The following POU2F3 variants were observed in gnomAD, a reference collection of about 807,000 sequenced individuals.
The protein encoded by POU2F3 is POU class 2 homeobox 3, also known as POU domain, class 2, transcription factor 3.
POU2F3 carries 23 observed loss-of-function variants against 59.2 expected under a neutral mutation model. The ratio of observed to expected loss-of-function variants is 0.39; its 90% CI spans 0.28 to 0.55. The LOEUF is 0.55. Among genes scored for constraint, POU2F3 ranks in the 20% least tolerant of loss-of-function variants. The pLI is 0.66. For missense variants in POU2F3, 473 were observed against 544.5 expected, an observed-to-expected ratio of 0.87 and a Z score of 1.31; for synonymous variants, 190 against 214.6, an observed-to-expected ratio of 0.89 and a Z score of 1.00.
At chr11:120,278,285 G>A (rs1940417832) in intron 3 of POU2F3, among the ~76,000 whole-genome samples, 1 of 152,180 alleles carries the variant, frequency 6.6e-6, no homozygotes, top group South Asian at 2.1e-4. Context: ...TACAGCGCAA[G>A]ATGTCTAGAG....
chr11:120,304,913 A>C, intron 6 of POU2F3, 117 bp from the exon 7 acceptor site: 158 of 743,286 alleles, frequency 2.1e-4, no homozygotes, highest in Middle Eastern at 4.1e-4. Flanking sequence ...GTATCCAGGG[A>C]TCTGTCATCC....
At chr11:120,289,729 T>G (rs1371405935) in intron 3 of POU2F3, among the ~76,000 whole-genome samples, 1 of 152,240 alleles carries the variant, frequency 6.6e-6, no homozygotes, top group East Asian at 1.9e-4. Flanking sequence ...TGGCAAACTT[T>G]TCTTCATCCT....
At chr11:120,246,341 A>T in intron 1 of POU2F3, 108 bp from the exon 2 acceptor site, 6 of 1,126,984 alleles carry the variant, frequency 5.3e-6, no homozygotes, top group Non-Finnish European at 8.0e-6. Context: ...TGAAAGTCTG[A>T]TGGTTGTTGT....
intron 3 of POU2F3, among the ~76,000 whole-genome samples, chr11:120,279,491 C>T (rs1395434183): frequency 2.6e-5 from 4 of 152,158 alleles, no homozygotes; most frequent in Non-Finnish European, 5.9e-5. Flanking sequence ...TGGGCTTGCA[C>T]CAGGTTGGAG....
At chr11:120,284,249 T>A (rs138698205) in intron 3 of POU2F3, among the ~76,000 whole-genome samples, 2 of 152,330 alleles carry the variant, frequency 1.3e-5, no homozygotes, top group African/African-American at 4.8e-5. Flanking sequence ...CCTCTCCACC[T>A]GCCTATCACC....
Position 120,240,156 on chromosome 11 carries a change from C to G in POU2F3, c.-188C>G. ...CACCTGGGGAGTGTGGCAATCCTGG[C>G]GGCGCCGAGTGTTGCCCGGGCCGGA... On this transcript the variant is annotated 5_prime_UTR_variant, in exon 1 of 13. Transcript: ENST00000543440. 5 of 1,202,790 alleles carry G rather than the reference C, an allele frequency of 4.2e-6. No individual in the cohort carries two copies. Among genetic ancestry groups the G allele is most frequent in the Non-Finnish European group, 5.2e-6 (5 of 965,818 alleles). The allele number at this position is 1,202,790 out of a possible 1,614,324, so 74.5% of individuals were successfully genotyped here.
intron 2 of POU2F3, among the ~76,000 whole-genome samples, chr11:120,265,096 G>A (rs895266569): frequency 7.2e-5 from 11 of 152,204 alleles, no homozygotes; most frequent in African/African-American, 2.7e-4. Context: ...AGGCTGGGTG[G>A]GGAGAGCTGC....
At chr11:120,298,998 G>C (rs915147354) in intron 4 of POU2F3, among the ~76,000 whole-genome samples, 2 of 152,142 alleles carry the variant, frequency 1.3e-5, no homozygotes, top group Non-Finnish European at 2.9e-5. Flanking sequence ...ACCTCATGGG[G>C]CACAGAGCTC....
At chr11:120,274,871 G>A (rs959893633) in intron 3 of POU2F3, among the ~76,000 whole-genome samples, 1 of 152,186 alleles carries the variant, frequency 6.6e-6, no homozygotes, top group South Asian at 2.1e-4. Flanking sequence ...AGGTCAAAGG[G>A]ACAGGAGGGG....
At chr11:120,280,770 C>T (rs1293680533) in intron 3 of POU2F3, among the ~76,000 whole-genome samples, 1 of 152,162 alleles carries the variant, frequency 6.6e-6, no homozygotes, top group Non-Finnish European at 1.5e-5. Flanking sequence ...TACCAACACC[C>T]GCAGACCTCT....
chr11:120,259,108 T>C (rs1426695033), intron 2 of POU2F3: 1 of 152,310 alleles, frequency 6.6e-6, no homozygotes, highest in Non-Finnish European at 1.5e-5. Flanking sequence ...CCTCCTGGTA[T>C]CTGTGGGACC....
At chr11:120,284,220 G>C (rs1817385778) in intron 3 of POU2F3, among the ~76,000 whole-genome samples, 1 of 152,142 alleles carries the variant, frequency 6.6e-6, no homozygotes, top group African/African-American at 2.4e-5. Flanking sequence ...TAAATGCACG[G>C]TTGGATTATT....
At chr11:120,295,478 G>C (rs1941169397) in intron 3 of POU2F3, among the ~76,000 whole-genome samples, 1 of 152,276 alleles carries the variant, frequency 6.6e-6, no homozygotes, top group African/African-American at 2.4e-5. Flanking sequence ...GGGGCAGGAG[G>C]AGGTTATGCA....
chr11:120,239,107 G>A (rs1348144781), upstream of POU2F3, among the ~76,000 whole-genome samples: 1 of 152,110 alleles, frequency 6.6e-6, no homozygotes, highest in South Asian at 2.1e-4. Flanking sequence ...AAGGTGTAGA[G>A]GCAGGAAAGC....
At chr11:120,272,172 C>G (rs538031618) in intron 3 of POU2F3, among the ~76,000 whole-genome samples, 1 of 152,160 alleles carries the variant, frequency 6.6e-6, no homozygotes, top group South Asian at 2.1e-4. Flanking sequence ...GTAGGTGATA[C>G]GATCCTCATT....
At chr11:120,296,799 G>A (rs910216887) in intron 3 of POU2F3, among the ~76,000 whole-genome samples, 1 of 151,978 alleles carries the variant, frequency 6.6e-6, no homozygotes, top group Non-Finnish European at 1.5e-5. Context: ...GTCTATCATT[G>A]ACTGGCATTT....
At chr11:120,283,589 G>A (rs1940657764) in intron 3 of POU2F3, among the ~76,000 whole-genome samples, 1 of 152,170 alleles carries the variant, frequency 6.6e-6, no homozygotes, top group Non-Finnish European at 1.5e-5. Flanking sequence ...GAGAGGAACA[G>A]AGAAGTAGGC....
chr11:120,239,722 C>T (rs919325672), upstream of POU2F3, among the ~76,000 whole-genome samples: 3 of 152,216 alleles, frequency 2.0e-5, no homozygotes, highest in Non-Finnish European at 2.9e-5. Context: ...GAACCTTGTC[C>T]CAGCCACACT....
At position 120,298,399 on chromosome 11, in the gene POU2F3, G is replaced by A; in HGVS notation, c.258+9G>A. On this transcript the variant is annotated intron_variant, in intron 4 of 12. Coordinates refer to ENST00000543440, the MANE Select transcript of POU2F3 (RefSeq NM_014352.4). Reference sequence around the variant, plus strand: ...ATGCCAGCCCATGTCAGGTAACACTGTGATTTTCACAGTGGGCCAGTGTGT... The same window carrying A: ...ATGCCAGCCCATGTCAGGTAACACTATGATTTTCACAGTGGGCCAGTGTGT... 6.2e-7 allele frequency: 1 copy of A among 1,613,158 alleles called. No homozygotes were observed. The highest frequency in any genetic ancestry group is 8.5e-7 in the Non-Finnish European group (1 of 1,179,688).
Sources: allele counts gnomAD v4.1 joint callset (sites outside exome capture counted in the v4.1 genomes callset), GRCh38; gene constraint gnomAD v4.1.1; transcripts MANE v1.5; gene names NCBI Gene and HGNC (gene_info 2026-07-23, HGNC 2026-07-21).